The following DNAH12 variants were observed in gnomAD, a reference collection of about 807,000 sequenced individuals.
DNAH12 encodes the protein axonemal beta dynein heavy chain 12.
In DNAH12, 285 loss-of-function variants were observed where a neutral mutation model predicts 371.5. The ratio of observed to expected loss-of-function variants is 0.77; its 90% CI spans 0.70 to 0.85. The LOEUF is 0.85. Ranked by LOEUF, DNAH12 falls within the 40% of genes least tolerant of loss-of-function variation. The pLI, the probability that DNAH12 is intolerant of heterozygous loss-of-function variation, is 0.00. For missense variants in DNAH12, 3,611 were observed against 3,689.4 expected (o/e 0.98, Z 0.55); for synonymous variants, 1,200 against 1,213.0 (o/e 0.99, Z 0.22).
intron 49 of DNAH12, 116 bp from the exon 50 acceptor site, chr3:57,382,509 T>C (rs1178574066): frequency 7.9e-6 from 1 of 126,344 alleles, no homozygotes; most frequent in Non-Finnish European, 1.8e-5. Context: ...TTATTTGAAA[T>C]CAAAGTTTTT....
At chr3:57,394,840 A>ATCTAC (rs2063703215) in intron 43 of DNAH12, among the ~76,000 whole-genome samples, 7 of 152,162 alleles carry the variant, frequency 4.6e-5, no homozygotes, top group Non-Finnish European at 1.0e-4. Context: ...TAGACGCTTC[A>ATCTAC]GTGTAGACAG....
chr3:57,496,664 T>C (rs1474171102), intron 11 of DNAH12, among the ~76,000 whole-genome samples: 1 of 152,100 alleles, frequency 6.6e-6, no homozygotes, highest in Admixed American at 6.6e-5. Flanking sequence ...TAAATAAAAA[T>C]TGCTATTAAA....
rs1166274884 is a variant in DNAH12 at position 57,296,461 on chromosome 3, G to A, written c.11533-26C>T. The A allele has an allele frequency of 3.3e-6, 5 of 1,504,066 alleles. No individual in the cohort carries two copies. The Admixed American group carries it at 6.0e-5, about 18-fold the overall frequency. The allele number at this position is 1,504,066 out of a possible 1,614,324, so 93.2% of individuals were successfully genotyped here. A position where few individuals can be genotyped will look rare whatever the true frequency, so the allele number is the denominator to read the frequency against. ...CTGAAGGGATAGGCACACACTAGCA[G>A]TGATCCTCTCCAGACAACTTCATCT... On this transcript the variant is annotated intron_variant, in intron 71 of 73. Transcript: ENST00000495027.
At chr3:57,350,343 C>A in intron 60 of DNAH12, among the ~76,000 whole-genome samples, 1 of 152,116 alleles carries the variant, frequency 6.6e-6, no homozygotes, top group East Asian at 1.9e-4. Context: ...ATTAATTACA[C>A]ACATACACAT....
upstream of DNAH12, chr3:57,549,050 C>G (rs2069598848): frequency 6.6e-6 from 1 of 152,064 alleles, no homozygotes; most frequent in Non-Finnish European, 1.5e-5. Flanking sequence ...GGGCCGGATG[C>G]AGTGGCCTGT....
chr3:57,410,397 A>G (rs2064163138), intron 39 of DNAH12, among the ~76,000 whole-genome samples: 1 of 152,172 alleles, frequency 6.6e-6, no homozygotes, highest in Non-Finnish European at 1.5e-5. Flanking sequence ...CTACATAAGA[A>G]GAAAACCTTA....
intron 25 of DNAH12, among the ~76,000 whole-genome samples, chr3:57,452,274 G>T (rs1269755873): frequency 1.3e-5 from 2 of 152,028 alleles, no homozygotes; most frequent in Non-Finnish European, 2.9e-5. Context: ...TGCAATATTT[G>T]GGACATATTT....
Position 57,461,488 on chromosome 3 carries a change from C to A in DNAH12, c.2736+1G>T. On this transcript the variant is annotated splice_donor_variant, in intron 19 of 73. Transcript: ENST00000495027. LOFTEE classifies it high-confidence loss of function. ...AGAGCTGATTATCACATTTAACATACCTTGATCTCATGTTCAAATGGTTTG... is the reference window on the plus strand; with the variant it reads ...AGAGCTGATTATCACATTTAACATAACTTGATCTCATGTTCAAATGGTTTG... The A allele has an allele frequency of 2.6e-6, 4 of 1,551,088 alleles. No individual in the cohort carries two copies. The highest frequency in any genetic ancestry group is 3.5e-6 in the Non-Finnish European group (4 of 1,146,690).
intron 43 of DNAH12, among the ~76,000 whole-genome samples, chr3:57,401,314 T>G (rs2063852764): frequency 6.7e-6 from 1 of 150,176 alleles, no homozygotes; most frequent in African/African-American, 2.4e-5. Context: ...GTTGGGGAGG[T>G]TGAGGCAAGT....
At chr3:57,517,717 TATCTAAGTCAAGTG>T (rs1360235466) in intron 4 of DNAH12, among the ~76,000 whole-genome samples, 5 of 152,154 alleles carry the variant, frequency 3.3e-5, no homozygotes, top group African/African-American at 9.7e-5. Flanking sequence ...AGCAAAACAC[TATCTAAGTCAAGTG>T]ATGTACTTTC....
intron 55 of DNAH12, among the ~76,000 whole-genome samples, chr3:57,369,232 T>A (rs1273368762): frequency 0.28 from 34,597 of 122,098 alleles, 5,144 homozygotes; most frequent in African/African-American, 0.44. Context: ...AAAAAAAATA[T>A]ATATATATAT....
intron 57 of DNAH12, 109 bp downstream of exon 57, chr3:57,366,620 A>G (rs2063057829): frequency 6.6e-6 from 1 of 152,256 alleles, no homozygotes; most frequent in Non-Finnish European, 1.5e-5. Flanking sequence ...ATTTATAGTA[A>G]CAAAGTATAA....
chr3:57,366,022 T>C (rs2063044817), intron 57 of DNAH12, among the ~76,000 whole-genome samples: 1 of 152,084 alleles, frequency 6.6e-6, no homozygotes, highest in Non-Finnish European at 1.5e-5. Context: ...AAAATGTGAT[T>C]AAAACCTACT....
chr3:57,373,290 G>A (rs1263797389), intron 55 of DNAH12, among the ~76,000 whole-genome samples: 1 of 150,172 alleles, frequency 6.7e-6, no homozygotes, highest in African/African-American at 2.5e-5. Context: ...GGACTCAGTG[G>A]TTATAGTTAA....
At chr3:57,448,387 A>T (rs1333789900) in intron 25 of DNAH12, among the ~76,000 whole-genome samples, 1 of 151,780 alleles carries the variant, frequency 6.6e-6, no homozygotes, top group East Asian at 1.9e-4. Context: ...CACTGGCTTC[A>T]GGAGAGAAGC....
intron 13 of DNAH12, among the ~76,000 whole-genome samples, chr3:57,478,925 C>T (rs1353221697): frequency 8.5e-5 from 13 of 152,194 alleles, no homozygotes; most frequent in East Asian, 1.9e-4. Context: ...CTGAAGGAAG[C>T]GCTAAACATG....
chr3:57,492,016 G>C (rs2067145140), intron 11 of DNAH12, among the ~76,000 whole-genome samples: 1 of 151,104 alleles, frequency 6.6e-6, no homozygotes, highest in African/African-American at 2.4e-5. Context: ...AAAAAAATTA[G>C]ACGGGCATGG....
At position 57,460,730 on chromosome 3, in the gene DNAH12, G is replaced by T. The variant is rs746434282; in HGVS notation, c.2736+759C>A. Among the ~76,000 whole-genome samples the T allele has an allele frequency of 3.2e-4, 49 of 152,222 alleles. 1 individual carries two copies. Among genetic ancestry groups the T allele is most frequent in the Admixed American group, 2.5e-3 (38 of 15,282 alleles). ...AACAATAAATAAATCTTCTATTTAT[G>T]CTCATATTAAAACCAAACTGCCTTG... is the stretch of plus-strand genomic sequence containing the variant. On this transcript the variant is annotated intron_variant, in intron 19 of 73. Coordinates refer to ENST00000495027, the MANE Select transcript of DNAH12 (RefSeq NM_001366028.2).
chr3:57,369,429 T>C (rs2153335517), intron 55 of DNAH12, among the ~76,000 whole-genome samples: 1 of 150,726 alleles, frequency 6.6e-6, no homozygotes, highest in South Asian at 2.1e-4. Flanking sequence ...TCTCTTTCTA[T>C]TCCAACAGCT....
Sources: allele counts gnomAD v4.1 joint callset (sites outside exome capture counted in the v4.1 genomes callset), GRCh38; gene constraint gnomAD v4.1.1; transcripts MANE v1.5; gene names NCBI Gene and HGNC (gene_info 2026-07-23, HGNC 2026-07-21).